Variants in VAPB observed in about 807,000 individuals in gnomAD.
The protein encoded by VAPB is VAMP associated protein B and C.
In VAPB, 7 loss-of-function variants were observed where a neutral mutation model predicts 25.6. The observed-to-expected ratio is 0.27, with a 90% CI of 0.16 to 0.51. The LOEUF is 0.51. Ranked by LOEUF, VAPB falls within the 20% of genes least tolerant of loss-of-function variation. The probability of loss-of-function intolerance (pLI) is 0.97; values close to 1 mark genes in which losing one functional copy is unlikely to be tolerated. For missense variants in VAPB, 266 were observed against 301.3 expected (o/e 0.88, Z 0.87); for synonymous variants, 112 against 109.2 (o/e 1.03, Z -0.16).
In VAPB at chr20:58,450,897, A is replaced by G. The variant is rs1465847098; in HGVS notation, c.*6662A>G. The G allele has an allele frequency of 2.2e-6, 1 of 454,026 alleles. No homozygotes were observed. The highest frequency in any genetic ancestry group is 2.0e-5 in the African/African-American group (1 of 50,002). The allele number at this position is 454,026 out of a possible 1,614,324, so 28.1% of individuals were successfully genotyped here. ...CATTTTGGTTTTCTGATATGTAATAAATTCATGGCTTGGCAGCTGACATGA... is the reference window on the plus strand; with the variant it reads ...CATTTTGGTTTTCTGATATGTAATAGATTCATGGCTTGGCAGCTGACATGA... On this transcript the variant is annotated 3_prime_UTR_variant, in exon 6 of 6. Coordinates refer to ENST00000475243, the MANE Select transcript of VAPB (RefSeq NM_004738.5).
At chr20:58,419,682 G>T (rs1342654704) in intron 2 of VAPB, among the ~76,000 whole-genome samples, 1 of 152,180 alleles carries the variant, frequency 6.6e-6, no homozygotes, top group Admixed American at 6.5e-5. Flanking sequence ...GAGAAAGGAA[G>T]GAACTGGGAT....
Position 58,445,644 on chromosome 20 carries a change from G to A in VAPB, c.*1409G>A, listed in dbSNP as rs1457495973. 4 of 454,072 alleles carry A rather than the reference G, an allele frequency of 8.8e-6. No individual in the cohort carries two copies. Among genetic ancestry groups the A allele is most frequent in the South Asian group, 6.2e-5 (4 of 64,434 alleles). The allele number at this position is 454,072 out of a possible 1,614,324, so 28.1% of individuals were successfully genotyped here. Reference sequence around the variant, plus strand: ...GCCATTGGAAGGTTAACTTTAAAATGAGCCCTATCACTGAGAAATACGTGT... The same window carrying A: ...GCCATTGGAAGGTTAACTTTAAAATAAGCCCTATCACTGAGAAATACGTGT... On this transcript the variant is annotated 3_prime_UTR_variant, in exon 6 of 6. Coordinates refer to ENST00000475243, the MANE Select transcript of VAPB (RefSeq NM_004738.5).
rs531418909 is a variant in VAPB, at chr20:58,422,393, A to T, written c.211+4030A>T. 1.3e-4 allele frequency among the ~76,000 whole-genome samples: 20 copies of T among 152,316 alleles called. No homozygotes were observed. The South Asian group carries it at 2.9e-3, about 22-fold the overall frequency. On this transcript the variant is annotated intron_variant, in intron 2 of 5. Coordinates refer to ENST00000475243, the MANE Select transcript of VAPB (RefSeq NM_004738.5). Reference sequence around the variant, plus strand: ...AGGTACACTTAAATAGAGATTGAAGAAAGGGAGGTTGGAATTTTTTCCTCC... The same window carrying T: ...AGGTACACTTAAATAGAGATTGAAGTAAGGGAGGTTGGAATTTTTTCCTCC...
At chr20:58,402,265 A>G (rs144730772) in intron 1 of VAPB, among the ~76,000 whole-genome samples, 2 of 152,208 alleles carry the variant, frequency 1.3e-5, no homozygotes, top group African/African-American at 2.4e-5. Flanking sequence ...CTCCTTGGCC[A>G]TGGGGCTTTG....
intron 1 of VAPB, among the ~76,000 whole-genome samples, chr20:58,405,971 A>G (rs1988221424): frequency 6.6e-6 from 1 of 152,030 alleles, no homozygotes; most frequent in Non-Finnish European, 1.5e-5. Flanking sequence ...GTAGAGGAAT[A>G]TAGAGGAATG....
chr20:58,389,305 C>G lies in VAPB; in HGVS notation c.-155C>G, dbSNP rs764261897. 1.9e-5 allele frequency: 13 copies of G among 681,490 alleles called. No individual in the cohort carries two copies. Among genetic ancestry groups the G allele is most frequent in the Middle Eastern group, 4.1e-4 (1 of 2,460 alleles). 42.2% of individuals were successfully genotyped at this position (681,490 alleles called of 1,614,324 possible). A position where few individuals can be genotyped will look rare whatever the true frequency, so the allele number is the denominator to read the frequency against. ...TGCGCCTGCACCGCGTAGACCGACC[C>G]CCCCCCAGCGCGCCCACCCGGTAGA... On this transcript the variant is annotated 5_prime_UTR_variant, in exon 1 of 6. Transcript: ENST00000475243.
At chr20:58,419,159 T>G (rs774532456) in intron 2 of VAPB, among the ~76,000 whole-genome samples, 2 of 152,244 alleles carry the variant, frequency 1.3e-5, no homozygotes, top group Non-Finnish European at 2.9e-5. Flanking sequence ...TCACAGAGGC[T>G]TCTGCATCAA....
At position 58,450,695 on chromosome 20, in the gene VAPB, G is replaced by C. The variant is rs1229665700; in HGVS notation, c.*6460G>C. 3 of 453,186 alleles carry C rather than the reference G, an allele frequency of 6.6e-6. No individual in the cohort carries two copies. The East Asian group carries it at 2.1e-4, about 31-fold the overall frequency. 28.1% of individuals were successfully genotyped at this position (453,186 alleles called of 1,614,324 possible). ...AAAAAAGATTCCCACAGTTTCTGAT[G>C]TGTGTGTTTATAGTCTTCAATGTAT... On this transcript the variant is annotated 3_prime_UTR_variant, in exon 6 of 6. Transcript: ENST00000475243.
chr20:58,404,275 C>T (rs955360497), intron 1 of VAPB, among the ~76,000 whole-genome samples: 5 of 152,270 alleles, frequency 3.3e-5, no homozygotes, highest in Non-Finnish European at 5.9e-5. Flanking sequence ...CAGGCCACAC[C>T]GCATCTTTCC....
intron 3 of VAPB, among the ~76,000 whole-genome samples, chr20:58,437,314 A>T (rs996955511): frequency 6.6e-6 from 1 of 151,734 alleles, no homozygotes; most frequent in Admixed American, 6.6e-5. Context: ...CAGTTGACTT[A>T]CAGAATGTCC....
intron 1 of VAPB, among the ~76,000 whole-genome samples, chr20:58,406,771 T>C (rs974796446): frequency 6.6e-6 from 1 of 152,214 alleles, no homozygotes; most frequent in South Asian, 2.1e-4. Context: ...TGGGACCCCA[T>C]GCTATTTTAT....
At chr20:58,427,717 A>T (rs1279251250) in intron 2 of VAPB, among the ~76,000 whole-genome samples, 1 of 148,182 alleles carries the variant, frequency 6.7e-6, no homozygotes, top group East Asian at 2.1e-4. Context: ...ATCTGTTACC[A>T]TTATGATGCA....
chr20:58,443,108 G>A (rs1170869957), intron 5 of VAPB, among the ~76,000 whole-genome samples: 2 of 152,206 alleles, frequency 1.3e-5, no homozygotes, highest in African/African-American at 4.8e-5. Context: ...AGTTGTGGCA[G>A]TGGAGGTGAA....
At chr20:58,430,396 G>C (rs1250254933) in intron 2 of VAPB, among the ~76,000 whole-genome samples, 2 of 151,672 alleles carry the variant, frequency 1.3e-5, no homozygotes, top group Non-Finnish European at 2.9e-5. Context: ...CGAATAGCTG[G>C]GATTACAGGT....
chr20:58,413,696 G>A (rs1475444943), intron 1 of VAPB, among the ~76,000 whole-genome samples: 2 of 151,826 alleles, frequency 1.3e-5, no homozygotes, highest in Non-Finnish European at 2.9e-5. Flanking sequence ...CAGGCAGAGG[G>A]GCTCCTCACT....
intron 2 of VAPB, among the ~76,000 whole-genome samples, chr20:58,418,633 A>G (rs1988604255): frequency 6.6e-6 from 1 of 152,094 alleles, no homozygotes. Flanking sequence ...CTGAAGTGAT[A>G]ACTTTAGACT....
intron 1 of VAPB, among the ~76,000 whole-genome samples, chr20:58,399,850 C>G (rs1226040903): frequency 6.6e-6 from 1 of 152,032 alleles, no homozygotes; most frequent in East Asian, 1.9e-4. Flanking sequence ...TCAACTGTAC[C>G]TTCCCTTCCA....
intron 2 of VAPB, among the ~76,000 whole-genome samples, chr20:58,426,273 C>G (rs1988780309): frequency 6.6e-6 from 1 of 152,184 alleles, no homozygotes; most frequent in Non-Finnish European, 1.5e-5. Flanking sequence ...TCATAGCTCA[C>G]TGTAGCCTCA....
At chr20:58,413,799 A>G (rs1988445809) in intron 1 of VAPB, among the ~76,000 whole-genome samples, 2 of 145,616 alleles carry the variant, frequency 1.4e-5, no homozygotes, top group East Asian at 2.1e-4. Flanking sequence ...TCCCTCCCGG[A>G]CGGGGCAGCT....
Sources: allele counts gnomAD v4.1 joint callset (sites outside exome capture counted in the v4.1 genomes callset), GRCh38; gene constraint gnomAD v4.1.1; transcripts MANE v1.5; gene names NCBI Gene and HGNC (gene_info 2026-07-23, HGNC 2026-07-21).